The following MYO9B variants were observed in gnomAD, a reference collection of about 807,000 sequenced individuals.
MYO9B encodes the protein unconventional myosin-IXb.
A neutral mutation model predicts 229.5 loss-of-function variants in MYO9B; 71 were observed. The observed-to-expected ratio is 0.31, with a 90% CI of 0.26 to 0.38. The LOEUF is 0.38. MYO9B is among the 10% of genes least tolerant of loss of function. The pLI is 1.00. For missense variants in MYO9B, 2,255 were observed against 2,920.5 expected (o/e 0.77, Z 5.25); for synonymous variants, 1,185 against 1,235.8 (o/e 0.96, Z 0.86).
rs144920743 is a variant in MYO9B at position 17,193,811 on chromosome 19, G to C, written c.3129-745G>C. Among the ~76,000 whole-genome samples, 25 of 152,258 alleles carry C rather than the reference G, an allele frequency of 1.6e-4. No homozygotes were observed. ...GAGGATCACCTGGGCCTGGGATGTC[G>C]AGGCTGCAGTGAGCTATGATCACAC... On this transcript the variant is annotated intron_variant, in intron 21 of 39. Transcript: ENST00000682292. This position sits in a 1 kb window ranked among gnomAD's most constrained non-coding sequence, Gnocchi z 4.3.
At chr19:17,200,502 G>A in intron 25 of MYO9B, 76 bp downstream of exon 25, 1 of 1,517,122 alleles carries the variant, frequency 6.6e-7, no homozygotes, top group Non-Finnish European at 8.8e-7. Context: ...CCCCAAACGG[G>A]GCCTTGAGTT....
intron 2 of MYO9B, among the ~76,000 whole-genome samples, chr19:17,140,677 A>G (rs1393845658): frequency 6.6e-6 from 1 of 151,546 alleles, no homozygotes; most frequent in Non-Finnish European, 1.5e-5. Context: ...TAGTAGAGAC[A>G]GGGTTTCTCC....
At chr19:17,078,263 A>G (rs2057504271) in intron 1 of MYO9B, among the ~76,000 whole-genome samples, 2 of 152,180 alleles carry the variant, frequency 1.3e-5, no homozygotes, top group African/African-American at 2.4e-5. Context: ...AATGGAGTTC[A>G]AGCTGGGCCG....
intron 2 of MYO9B, among the ~76,000 whole-genome samples, chr19:17,126,090 C>G (rs1374535478): frequency 1.3e-5 from 2 of 152,188 alleles, no homozygotes; most frequent in Non-Finnish European, 2.9e-5. Flanking sequence ...GACATGGCCC[C>G]CACTAACCTC....
rs117367881 is a variant in MYO9B at position 17,104,793 on chromosome 19, G to A, written c.840+2236G>A. ...GCAGTTTTAGGTTTATAAAAATACC[G>A]AGCAGATAGTGCAGAGAGTTCCCAT... On this transcript the variant is annotated intron_variant, in intron 2 of 39. Coordinates refer to ENST00000682292, the MANE Select transcript of MYO9B (RefSeq NM_004145.4). Among the ~76,000 whole-genome samples the A allele has an allele frequency of 9.7e-3, 1,478 of 151,910 alleles. 12 individuals are homozygous for A. The highest frequency in any genetic ancestry group is 0.024 in the Middle Eastern group (7 of 294).
Position 17,102,036 on chromosome 19 carries a change from T to G in MYO9B, c.319T>G (p.Phe107Val). The G allele has an allele frequency of 6.2e-7, 1 of 1,612,516 alleles. No homozygotes were observed. The highest frequency in any genetic ancestry group is 8.5e-7 in the Non-Finnish European group (1 of 1,179,882). Reference sequence around the variant, plus strand: ...GCACCCTCAGGAGGATGGCTACTACTTCCTGCTGCAGGAGCGCAACGCAGA... The same window carrying G: ...GCACCCTCAGGAGGATGGCTACTACGTCCTGCTGCAGGAGCGCAACGCAGA... ...DEHPQEDGYY[F>V]LLQERNADGT... The change falls in exon 2 of 40, where the codon TTC becomes GTC. Residue 107 changes from phenylalanine (F) to valine (V), a missense_variant. By Grantham distance (50) the Phe-to-Val change is conservative (BLOSUM62 -1). This residue lies in a region of MYO9B where 386 missense variants were observed against 515.2 expected (regional missense o/e 0.75). Transcript: ENST00000682292.
At chr19:17,081,257 A>G (rs2057531517) in intron 1 of MYO9B, among the ~76,000 whole-genome samples, 1 of 152,094 alleles carries the variant, frequency 6.6e-6, no homozygotes, top group South Asian at 2.1e-4. Context: ...TAAACTCCTG[A>G]CATCAGGTGA....
rs1187176646 is a variant in MYO9B at position 17,102,321 on chromosome 19, A to G, written c.604A>G (p.Met202Val). 6.2e-7 allele frequency: 1 copy of G among 1,613,912 alleles called. No individual in the cohort carries two copies. The highest frequency in any genetic ancestry group is 8.5e-7 in the Non-Finnish European group (1 of 1,179,910). Reference sequence around the variant, plus strand: ...CATCTACAACCCCAAGTACGTGAAGATGTATGAGAACCAGCAGCTGGGCAA... The same window carrying G: ...CATCTACAACCCCAAGTACGTGAAGGTGTATGAGAACCAGCAGCTGGGCAA... Reference protein sequence around the residue: ...LPIYNPKYVKMYENQQLGKLE... With the variant: ...LPIYNPKYVKVYENQQLGKLE... Residue 202 changes from methionine to valine, a missense_variant, in exon 2 of 40, where the codon ATG becomes GTG. Met to Val is a conservative substitution (Grantham distance 21). This residue lies in a region of MYO9B where 386 missense variants were observed against 515.2 expected (regional missense o/e 0.75). Transcript: ENST00000682292.
intron 24 of MYO9B, among the ~76,000 whole-genome samples, chr19:17,199,117 C>T (rs2073078644): frequency 6.6e-6 from 1 of 152,082 alleles, no homozygotes; most frequent in Admixed American, 6.5e-5. Flanking sequence ...ACAGGAGGAT[C>T]CCTTGAGGCC....
At chr19:17,166,955 A>G (rs1273756652) in intron 10 of MYO9B, among the ~76,000 whole-genome samples, 1 of 152,152 alleles carries the variant, frequency 6.6e-6, no homozygotes, top group Non-Finnish European at 1.5e-5. Flanking sequence ...GAACACACAC[A>G]TGCAGATACA....
Position 17,212,866 on chromosome 19 carries a change from CAT to C in MYO9B, c.*557_*558del, listed in dbSNP as rs55648247. On this transcript the variant is annotated 3_prime_UTR_variant, in exon 40 of 40. Transcript: ENST00000682292. The surrounding 1 kb of genome is among the most constrained non-coding windows in gnomAD (Gnocchi z 5.4). ...TCACCTGACCCGTGCCTCTCTGACA[CAT>C]GTCTCCGGGGGGCAGCCACCTGGCC... is the stretch of plus-strand genomic sequence containing the variant. 0.011 allele frequency: 1,710 copies of C among 152,622 alleles called. 12 individuals are homozygous for C. The highest frequency in any genetic ancestry group is 0.024 in the Middle Eastern group (7 of 294). The allele number at this position is 152,622 out of a possible 1,614,324, so 9.5% of individuals were successfully genotyped here.
At chr19:17,132,522 A>ATTTTTTTTTTTT (rs1406019859) in intron 2 of MYO9B, among the ~76,000 whole-genome samples, 1 of 80,826 alleles carries the variant, frequency 1.2e-5, no homozygotes, top group African/African-American at 5.6e-5. Flanking sequence ...ATTTATTATT[A>ATTTTTTTTTTTT]TTATTTTTTT....
intron 2 of MYO9B, among the ~76,000 whole-genome samples, chr19:17,115,501 C>G (rs1322739391): frequency 7.4e-6 from 1 of 135,772 alleles, no homozygotes; most frequent in African/African-American, 2.7e-5. Context: ...TGGAGTCTTG[C>G]TTGGTCGCCC....
chr19:17,109,765 C>T (rs751922157), intron 2 of MYO9B, among the ~76,000 whole-genome samples: 3 of 152,232 alleles, frequency 2.0e-5, no homozygotes, highest in Non-Finnish European at 4.4e-5. Flanking sequence ...GTCACCTGGT[C>T]TTCTCCCCTG....
chr19:17,172,363 G>T lies in MYO9B; in HGVS notation c.1821G>T (p.Leu607=). 5 of 1,613,958 alleles carry T rather than the reference G, an allele frequency of 3.1e-6. No homozygotes were observed. The highest frequency in any genetic ancestry group is 4.2e-6 in the Non-Finnish European group (5 of 1,179,874). Residue 607 remains leucine (L), a synonymous_variant, in exon 12 of 40, where the codon CTG becomes CTT. Transcript: ENST00000682292. This position sits in a 1 kb window ranked among gnomAD's most constrained non-coding sequence, Gnocchi z 8.2. ...TCCCCCACGCCACGAGCCAGACCCT[G>T]CTGGCCAAGTTCAAACAGCAACATG... ...SNFPHATSQT[L]LAKFKQQHED...
intron 11 of MYO9B, among the ~76,000 whole-genome samples, chr19:17,171,947 A>G (rs2072729147): frequency 6.6e-6 from 1 of 152,004 alleles, no homozygotes. Flanking sequence ...AGAAACAAAT[A>G]TTTTTCTGTT....
chr19:17,137,198 A>T (rs2063513085), intron 2 of MYO9B, among the ~76,000 whole-genome samples: 1 of 149,822 alleles, frequency 6.7e-6, no homozygotes, highest in South Asian at 2.1e-4. Flanking sequence ...ATTGCACTCC[A>T]GCCTGGGCAA....
chr19:17,184,763 GCGGGGACGCTGTTCTGCCCTGGCTT>G lies in MYO9B; in HGVS notation c.2374-94_2374-70del, dbSNP rs961585932. ...AAGAGCTGCTGCCCGGGCACTCGCT[GCGGGGACGCTGTTCTGCCCTGGCTT>G]CGGGGACACCTGTGATGCCTCCCCG... On this transcript the variant is annotated intron_variant, in intron 16 of 39. Transcript: ENST00000682292. 15 of 1,501,336 alleles carry G rather than the reference GCGGGGACGCTGTTCTGCCCTGGCTT, an allele frequency of 1.0e-5. No individual in the cohort carries two copies. In the Admixed American group the frequency reaches 1.8e-4, roughly 18 times the overall value. 93.0% of individuals were successfully genotyped at this position (1,501,336 alleles called of 1,614,324 possible).
At chr19:17,139,517 T>C (rs1285978008) in intron 2 of MYO9B, among the ~76,000 whole-genome samples, 1 of 152,140 alleles carries the variant, frequency 6.6e-6, no homozygotes, top group African/African-American at 2.4e-5. Flanking sequence ...GGCCAAAGTA[T>C]GCAGATTGCT....
Sources: allele counts gnomAD v4.1 joint callset (sites outside exome capture counted in the v4.1 genomes callset), GRCh38; gene constraint gnomAD v4.1.1; regional missense constraint gnomAD v4.1.1; non-coding constraint Gnocchi (gnomAD v3.1); transcripts MANE v1.5; gene names NCBI Gene and HGNC (gene_info 2026-07-23, HGNC 2026-07-21).